FLNA: variants seen among roughly 807,000 people sequenced by gnomAD.
The protein encoded by FLNA is filamin A, also known as filamin-A.
A neutral mutation model predicts 157.6 loss-of-function variants in FLNA; 7 were observed. That is an observed-to-expected ratio of 0.04 (90% confidence interval 0.03 to 0.08). The LOEUF is 0.08. Ranked by LOEUF, FLNA falls within the 10% of genes least tolerant of loss-of-function variation. The pLI, the probability that FLNA is intolerant of heterozygous loss-of-function variation, is 1.00. For missense variants in FLNA, 1,750 were observed against 2,398.4 expected (o/e 0.73, Z 5.65); for synonymous variants, 1,103 against 1,060.8 (o/e 1.04, Z -0.77).
chrX:154,363,109 T>C (rs933088334), intron 15 of FLNA, among the ~76,000 whole-genome samples: 21 of 112,503 alleles, frequency 1.9e-4, no homozygotes, highest in African/African-American at 6.8e-4. Context: ...AATGGAGTAT[T>C]ATGCGGCCAT....
rs1248046981 is a variant in FLNA, at chrX:154,349,412, T to A, written c.7706A>T (p.Lys2569Met). The change falls in exon 47 of 48, where the codon AAG (lysine) becomes ATG (methionine). Residue 2569 changes from lysine (K) to methionine (M), a missense_variant. Around this residue, in one of 5 missense-constraint regions of FLNA, gnomAD observed 970 missense variants for 1,302.6 expected, o/e 0.74. Coordinates refer to ENST00000369850, the MANE Select transcript of FLNA (RefSeq NM_001110556.2). ...KVVAKGLGLS[K>M]AYVGQKSSFT... ...GCTGCTCTTCTGGCCTACGTAGGCC[T>A]TGCTCAGCCCCAGGCCCTTGGCCAC... 8.3e-7 allele frequency: 1 copy of A among 1,211,971 alleles called. No homozygotes were observed. The highest frequency in any genetic ancestry group is 1.1e-6 in the Non-Finnish European group (1 of 895,504).
chrX:154,352,410 G>T lies in FLNA; in HGVS notation c.6540C>A (p.Ser2180Arg), dbSNP rs781992483. The change falls in exon 41 of 48, where the codon AGC becomes AGA. Residue 2180 changes from serine (S) to arginine (R), a missense_variant. Physicochemically the swap from Ser to Arg is moderately radical, Grantham distance 110. Around this residue, in one of 5 missense-constraint regions of FLNA, gnomAD observed 970 missense variants for 1,302.6 expected, o/e 0.74. Transcript: ENST00000369850. ...CGGCCTCATGGGTCTTGCCCGATGG[G>T]CTGGTCACCTGGGCTGTCATATCCT... ...SIQDMTAQVTSPSGKTHEAEI... is the reference protein window; with the variant it reads ...SIQDMTAQVTRPSGKTHEAEI... The T allele has an allele frequency of 8.3e-7, 1 of 1,212,094 alleles. No individual in the cohort carries two copies. The highest frequency in any genetic ancestry group is 2.2e-5 in the Admixed American group (1 of 46,175).
Position 154,349,473 on chromosome X carries a change from C to A in FLNA, c.7645G>T (p.Ala2549Ser), listed in dbSNP as rs1557175287. ...TKATCAPQHGAPGPGPADASK... is the reference protein window; with the variant it reads ...TKATCAPQHGSPGPGPADASK... ...GCGTCAGCAGGCCCAGGACCCGGGGCCCCATGCTGGGGGGCACAGGTGGCC... is the reference window on the plus strand; with the variant it reads ...GCGTCAGCAGGCCCAGGACCCGGGGACCCATGCTGGGGGGCACAGGTGGCC... Residue 2549 changes from alanine to serine, a missense_variant, in exon 47 of 48, where the codon GCC becomes TCC. Coordinates refer to ENST00000369850, the MANE Select transcript of FLNA (RefSeq NM_001110556.2). 8.3e-7 allele frequency: 1 copy of A among 1,212,083 alleles called. No homozygotes were observed. Among genetic ancestry groups the A allele is most frequent in the Non-Finnish European group, 1.1e-6 (1 of 895,437 alleles).
intron 5 of FLNA, 31 bp from the exon 6 acceptor site, chrX:154,366,881 C>A (rs1331573926): frequency 9.0e-7 from 1 of 1,114,877 alleles, no homozygotes; most frequent in African/African-American, 1.8e-5. Flanking sequence ...AACCACGGGC[C>A]AGCTGTTAAG....
chrX:154,360,116 C>T lies in FLNA; in HGVS notation c.3679G>A (p.Gly1227Arg). ...HTITYIPLCP[G>R]AYTVTIKYGG... is the part of the protein sequence containing the mutation. ...TACTTGATGGTGACGGTGTAGGCCC[C>T]GGGGCAGAGGGGAATGTAGGTAATG... Residue 1227 changes from glycine (G) to arginine (R), a missense_variant, in exon 22 of 48, where the codon GGG becomes AGG. Around this residue, in one of 5 missense-constraint regions of FLNA, gnomAD observed 970 missense variants for 1,302.6 expected, o/e 0.74. Coordinates refer to ENST00000369850, the MANE Select transcript of FLNA (RefSeq NM_001110556.2). 8.3e-7 allele frequency: 1 copy of T among 1,210,726 alleles called. No individual in the cohort carries two copies. Among genetic ancestry groups the T allele is most frequent in the Non-Finnish European group, 1.1e-6 (1 of 894,972 alleles).
At position 154,353,214 on chromosome X, in the gene FLNA, G is replaced by C. The variant is rs72616474; in HGVS notation, c.6023-10C>G. On this transcript the variant is annotated splice_polypyrimidine_tract_variant and intron_variant, in intron 37 of 47. Transcript: ENST00000369850. ...GGCACGAATGAAATCCCTGGACACA[G>C]GGCATGGCTGTCAGTCAGGGAGGGC... The C allele has an allele frequency of 1.2e-3, 1,473 of 1,209,747 alleles. 4 individuals are homozygous for C. The East Asian group carries it at 0.019, about 16-fold the overall frequency.
In FLNA at chrX:154,364,932, C is replaced by T. The variant is rs1399359867; in HGVS notation, c.1717G>A (p.Glu573Lys). ...RSPFEVKVGT[E>K]CGNQKVRAWG... The stretch of plus-strand genomic sequence containing the variant: ...GCCCGTACCTTCTGATTGCCACACT[C>T]GGTGCCCACCTTCACTTCGAAGGGA... The change falls in exon 12 of 48, where the codon GAG becomes AAG. Residue 573 changes from glutamate to lysine, a missense_variant. Physicochemically the swap from Glu to Lys is moderately conservative, Grantham distance 56. Around this residue, in one of 5 missense-constraint regions of FLNA, gnomAD observed 648 missense variants for 805.8 expected, o/e 0.80. Coordinates refer to ENST00000369850, the MANE Select transcript of FLNA (RefSeq NM_001110556.2). 3 of 1,209,971 alleles carry T rather than the reference C, an allele frequency of 2.5e-6. No individual in the cohort carries two copies. The highest frequency in any genetic ancestry group is 1.8e-5 in the South Asian group (1 of 56,854).
chrX:154,352,782 C>T lies in FLNA; in HGVS notation c.6369G>A (p.Gln2123=), dbSNP rs1190800063. Residue 2123 remains glutamine (Q), a synonymous_variant, in exon 39 of 48, where the codon CAG becomes CAA. Coordinates refer to ENST00000369850, the MANE Select transcript of FLNA (RefSeq NM_001110556.2). The part of the protein sequence containing the change: ...NYIINIKFAD[Q]HVPGSPFSVK... ...CACTGCTGCACTCACCAGGCACGTG[C>T]TGGTCGGCAAACTTGATGTTGATGA... 2 of 1,211,010 alleles carry T rather than the reference C, an allele frequency of 1.7e-6. No individual in the cohort carries two copies. Among genetic ancestry groups the T allele is most frequent in the African/African-American group, 3.5e-5 (2 of 57,573 alleles).
chrX:154,364,951 G>A lies in FLNA; in HGVS notation c.1698C>T (p.Phe566=), dbSNP rs781830848. ...CACACTCGGTGCCCACCTTCACTTCGAAGGGACTGCAAATGCGAGAGCCAC... is the reference window on the plus strand; with the variant it reads ...CACACTCGGTGCCCACCTTCACTTCAAAGGGACTGCAAATGCGAGAGCCAC... ...WGGQNIGRSP[F]EVKVGTECGN... Residue 566 remains phenylalanine, a synonymous_variant, in exon 12 of 48, where the codon TTC becomes TTT. Transcript: ENST00000369850. 5.0e-6 allele frequency: 6 copies of A among 1,209,733 alleles called. No individual in the cohort carries two copies. Among genetic ancestry groups the A allele is most frequent in the Admixed American group, 4.4e-5 (2 of 45,898 alleles).
In FLNA at chrX:154,357,267, G is replaced by C; in HGVS notation, c.4953C>G (p.Ile1651Met). The change falls in exon 30 of 48, where the codon ATC becomes ATG. Residue 1651 changes from isoleucine (I) to methionine (M), a missense_variant. Around this residue, in one of 5 missense-constraint regions of FLNA, gnomAD observed 970 missense variants for 1,302.6 expected, o/e 0.74. Transcript: ENST00000369850. ...DASKCTVTVS[I>M]GGHGLGAGIG... ...GCAGCTTACCTAGCCCGTGACCTCCGATTGACACTGAGGTGAGAGGGCAGA... is the reference window on the plus strand; with the variant it reads ...GCAGCTTACCTAGCCCGTGACCTCCCATTGACACTGAGGTGAGAGGGCAGA... The C allele has an allele frequency of 8.3e-7, 1 of 1,210,818 alleles. No individual in the cohort carries two copies. The highest frequency in any genetic ancestry group is 1.1e-6 in the Non-Finnish European group (1 of 894,880).
Position 154,353,102 on chromosome X carries a change from G to A in FLNA, c.6125C>T (p.Ser2042Leu), listed in dbSNP as rs782666380. 24 of 1,209,779 alleles carry A rather than the reference G, an allele frequency of 2.0e-5. No individual in the cohort carries two copies. The highest frequency in any genetic ancestry group is 8.9e-5 in the East Asian group (3 of 33,752). Residue 2042 changes from serine to leucine, a missense_variant, in exon 38 of 48, where the codon TCG (serine) becomes TTG (leucine). By Grantham distance (145) the Ser-to-Leu change is moderately radical. This residue lies in a region of FLNA where 970 missense variants were observed against 1,302.6 expected (regional missense o/e 0.74). Transcript: ENST00000369850. The stretch of plus-strand genomic sequence containing the variant: ...AACACGACTGGCATCCCCAATTTCC[G>A]ACTGGCTGATCACCACCGGGATGGG... ...SSPIPVVISQSEIGDASRVRV... is the reference protein window; with the variant it reads ...SSPIPVVISQLEIGDASRVRV...
Position 154,362,487 on chromosome X carries a change from G to A in FLNA, c.2496C>T (p.Asp832=). 2 of 1,211,569 alleles carry A rather than the reference G, an allele frequency of 1.7e-6. No homozygotes were observed. The highest frequency in any genetic ancestry group is 1.1e-6 in the Non-Finnish European group (1 of 895,257). ...IDFDIIRNDN[D]TFTVKYTPRG... is the part of the protein sequence containing the mutation. ...GGGGCGTGTACTTGACCGTGAAGGT[G>A]TCATTGTCATTGCGGATGATGTCGA... The change falls in exon 17 of 48, where the codon GAC becomes GAT. Residue 832 remains aspartate, a synonymous_variant. Transcript: ENST00000369850.
chrX:154,350,301 A>C, intron 44 of FLNA, 94 bp from the exon 45 acceptor site: 3 of 846,366 alleles, frequency 3.5e-6, no homozygotes, highest in Non-Finnish European at 5.2e-6. Flanking sequence ...GGCCCTCCCC[A>C]TTTTGCCGGT....
intron 11 of FLNA, 32 bp downstream of exon 11, chrX:154,365,104 A>G: frequency 8.3e-7 from 1 of 1,211,105 alleles, no homozygotes. Context: ...CAGAGTGTGC[A>G]GAGCTGGGAG....
intron 2 of FLNA, among the ~76,000 whole-genome samples, chrX:154,369,404 T>C (rs971402341): frequency 1.8e-5 from 2 of 111,607 alleles, no homozygotes; most frequent in African/African-American, 6.5e-5. Context: ...ACCAGGTCCA[T>C]GTTAGGCCAG....
In FLNA at chrX:154,354,863, C is replaced by T; in HGVS notation, c.5179G>A (p.Gly1727Ser). 1 of 1,212,023 alleles carries T rather than the reference C, an allele frequency of 8.3e-7. No individual in the cohort carries two copies. The highest frequency in any genetic ancestry group is 1.1e-6 in the Non-Finnish European group (1 of 895,647). Reference protein sequence around the residue: ...PGKYVICVRFGGEHVPNSPFQ... With the variant: ...PGKYVICVRFSGEHVPNSPFQ... ...GGGCTGTTGGGCACGTGCTCGCCAC[C>T]AAAGCGCACACAGATGACGTATTTG... is the stretch of plus-strand genomic sequence containing the variant. The change falls in exon 31 of 48, where the codon GGT (glycine) becomes AGT (serine). Residue 1727 changes from glycine (G) to serine (S), a missense_variant. By Grantham distance (56) the Gly-to-Ser change is moderately conservative. Around this residue, in one of 5 missense-constraint regions of FLNA, gnomAD observed 970 missense variants for 1,302.6 expected, o/e 0.74. Coordinates refer to ENST00000369850, the MANE Select transcript of FLNA (RefSeq NM_001110556.2).
chrX:154,373,108 G>A (rs1557180718), intron 1 of FLNA, among the ~76,000 whole-genome samples: 1 of 112,148 alleles, frequency 8.9e-6, no homozygotes, highest in African/African-American at 3.2e-5. Flanking sequence ...TGGGAGGGAG[G>A]GCTGGGAAGG....
chrX:154,349,495 G>A lies in FLNA; in HGVS notation c.7623C>T (p.Ala2541=). Residue 2541 remains alanine (A), a synonymous_variant, in exon 47 of 48, where the codon GCC becomes GCT. Coordinates refer to ENST00000369850, the MANE Select transcript of FLNA (RefSeq NM_001110556.2). ...SSVFVDSLTK[A]TCAPQHGAPG... ...GGGCCCCATGCTGGGGGGCACAGGT[G>A]GCCTTGGTCAGAGAGTCTACAAACA... 8.2e-7 allele frequency: 1 copy of A among 1,212,244 alleles called. No individual in the cohort carries two copies. Among genetic ancestry groups the A allele is most frequent in the South Asian group, 1.8e-5 (1 of 57,067 alleles).
rs1557177394 is a variant in FLNA at position 154,359,057 on chromosome X, G to A, written c.4401C>T (p.Leu1467=). The change falls in exon 26 of 48, where the codon CTC becomes CTT. Residue 1467 remains leucine (L), a synonymous_variant. Coordinates refer to ENST00000369850, the MANE Select transcript of FLNA (RefSeq NM_001110556.2). ...GLSPGMVRAN[L]PQSFQVDTSK... is the part of the protein sequence containing the mutation. Reference sequence around the variant, plus strand: ...TTGTGTCCACCTGGAAGGACTGAGGGAGGTTGGCACGAACCATGCCTGGGC... The same window carrying A: ...TTGTGTCCACCTGGAAGGACTGAGGAAGGTTGGCACGAACCATGCCTGGGC... The A allele has an allele frequency of 3.3e-6, 4 of 1,211,528 alleles. No individual in the cohort carries two copies. The highest frequency in any genetic ancestry group is 4.5e-6 in the Non-Finnish European group (4 of 895,446).
Sources: gnomAD v4.1 joint callset for allele counts (sites outside exome capture counted in the v4.1 genomes callset) on GRCh38, gnomAD v4.1.1 for gene constraint, gnomAD v4.1.1 regional missense constraint, MANE v1.5 for transcripts, NCBI Gene and HGNC (gene_info 2026-07-23, HGNC 2026-07-21) for gene names.